The following RANBP2 variants were observed in gnomAD, a reference collection of about 807,000 sequenced individuals.
RANBP2 encodes the protein E3 SUMO-protein ligase RanBP2.
RANBP2 carries 57 observed loss-of-function variants against 303.6 expected under a neutral mutation model. The ratio of observed to expected loss-of-function variants is 0.19; its 90% confidence interval spans 0.15 to 0.23. RANBP2 has a LOEUF of 0.23. Among genes scored for constraint, RANBP2 ranks in the 10% least tolerant of loss-of-function variants. RANBP2 has a pLI of 1.00. For missense variants in RANBP2, 3,138 were observed against 3,780.8 expected, an observed-to-expected ratio of 0.83 and a Z score of 4.46; for synonymous variants, 1,167 against 1,301.5, an observed-to-expected ratio of 0.90 and a Z score of 2.23.
At chr2:109,142,715 G>A in the RANBP2 span, among the ~76,000 whole-genome samples, 1 of 152,194 alleles carries the variant, frequency 6.6e-6, no homozygotes, top group Non-Finnish European at 1.5e-5. Context: ...TCGGGCCTGG[G>A]TTTATTTTCT....
the RANBP2 span, among the ~76,000 whole-genome samples, chr2:108,988,748 A>G: frequency 1.3e-5 from 2 of 152,336 alleles, no homozygotes; most frequent in African/African-American, 4.8e-5. Context: ...ACAGCAAAAC[A>G]GGGTTTCTGA....
the RANBP2 span, chr2:108,847,045 T>G: frequency 1.5e-6 from 1 of 672,826 alleles, no homozygotes; most frequent in Non-Finnish European, 2.5e-6. Context: ...TTTTGAATTG[T>G]TTTATAATGG....
At chr2:109,425,362 C>A in the RANBP2 span, among the ~76,000 whole-genome samples, 1 of 151,852 alleles carries the variant, frequency 6.6e-6, no homozygotes, top group Non-Finnish European at 1.5e-5. Context: ...ATGAAGGTGG[C>A]GACACTAAAC....
chr2:108,734,416 A>G (rs1695406442), intron 4 of RANBP2, among the ~76,000 whole-genome samples: 1 of 152,004 alleles, frequency 6.6e-6, no homozygotes, highest in Non-Finnish European at 1.5e-5. Context: ...GATGGTTGAG[A>G]TAATGCAAAT....
chr2:108,824,797 A>T, the RANBP2 span, among the ~76,000 whole-genome samples: 1 of 152,162 alleles, frequency 6.6e-6, no homozygotes. Context: ...TCACAAACAC[A>T]TGAATAATTT....
the RANBP2 span, among the ~76,000 whole-genome samples, chr2:109,341,544 G>A: frequency 1.3e-5 from 2 of 152,192 alleles, no homozygotes; most frequent in African/African-American, 4.8e-5. Flanking sequence ...GAGTGAGTCA[G>A]AATATAAGCT....
the RANBP2 span, among the ~76,000 whole-genome samples, chr2:108,821,439 G>A: frequency 6.6e-6 from 1 of 152,100 alleles, no homozygotes. Flanking sequence ...TATTCAGTTG[G>A]CATTATTGAT....
chr2:108,797,567 C>A, the RANBP2 span, among the ~76,000 whole-genome samples: 11 of 152,000 alleles, frequency 7.2e-5, no homozygotes, highest in Admixed American at 4.6e-4. Flanking sequence ...GATTTTAGTT[C>A]AGATGGGGTG....
chr2:108,912,119 C>T, the RANBP2 span, among the ~76,000 whole-genome samples: 1 of 152,120 alleles, frequency 6.6e-6, no homozygotes, highest in Non-Finnish European at 1.5e-5. Context: ...CCTCACGGCT[C>T]GCTGAGACCT....
chr2:109,546,895 A>G, the RANBP2 span, among the ~76,000 whole-genome samples: 1 of 152,238 alleles, frequency 6.6e-6, no homozygotes, highest in Non-Finnish European at 1.5e-5. Flanking sequence ...TAAAGAATAA[A>G]TTAATGCTAA....
chr2:109,280,678 AC>A, the RANBP2 span, among the ~76,000 whole-genome samples: 2 of 152,158 alleles, frequency 1.3e-5, no homozygotes, highest in East Asian at 1.9e-4. Context: ...AATGTAAACA[AC>A]CTTTCTGCTT....
the RANBP2 span, among the ~76,000 whole-genome samples, chr2:108,952,575 T>C: frequency 6.6e-6 from 1 of 152,262 alleles, no homozygotes; most frequent in Admixed American, 6.5e-5. Flanking sequence ...AAAAATACTT[T>C]CACTTGCTCT....
chr2:109,133,225 C>A, the RANBP2 span, among the ~76,000 whole-genome samples: 3 of 152,196 alleles, frequency 2.0e-5, no homozygotes, highest in South Asian at 6.2e-4. Context: ...AAAGCTTAGG[C>A]AGTGCCTTTG....
chr2:108,786,804 G>A (rs750576817), downstream of RANBP2: 3 of 1,576,384 alleles, frequency 1.9e-6, no homozygotes, highest in Non-Finnish European at 1.7e-6. Context: ...CGGGGAGACT[G>A]GTACGGTTGC....
At chr2:109,535,424 C>T in the RANBP2 span, among the ~76,000 whole-genome samples, 8 of 152,142 alleles carry the variant, frequency 5.3e-5, no homozygotes, top group East Asian at 1.9e-4. Context: ...CTCAGACTTC[C>T]GGCTTCACAC....
the RANBP2 span, among the ~76,000 whole-genome samples, chr2:109,413,696 G>A: frequency 6.6e-6 from 1 of 152,190 alleles, no homozygotes; most frequent in East Asian, 1.9e-4. Flanking sequence ...GCCCCCACCA[G>A]CCCTCCACAC....
At chr2:108,939,332 G>A in the RANBP2 span, among the ~76,000 whole-genome samples, 34 of 152,002 alleles carry the variant, frequency 2.2e-4, 1 homozygote, top group East Asian at 5.1e-3. Flanking sequence ...GACTACAGGC[G>A]TGCGCCACCA....
At chr2:108,786,903 C>A, downstream of RANBP2, 1 of 1,546,242 alleles carries the variant, frequency 6.5e-7, no homozygotes, top group African/African-American at 1.4e-5. Context: ...TCGGGGGCAG[C>A]TGCCCCGACG....
the RANBP2 span, among the ~76,000 whole-genome samples, chr2:109,493,413 AC>A: frequency 2.6e-5 from 4 of 151,548 alleles, no homozygotes; most frequent in Non-Finnish European, 5.9e-5. Context: ...CACCACACAT[AC>A]ATCATGCAAA....
Sources: gnomAD v4.1 joint callset for allele counts (sites outside exome capture counted in the v4.1 genomes callset) on GRCh38, gnomAD v4.1.1 for gene constraint, MANE v1.5 for transcripts, NCBI Gene and HGNC (gene_info 2026-07-23, HGNC 2026-07-21) for gene names.